Variants in NRDE2 observed in about 807,000 individuals in gnomAD.
NRDE2 encodes NRDE-2, necessary for RNA interference, domain containing.
A neutral mutation model predicts 124.2 loss-of-function variants in NRDE2; 76 were observed. That is an observed-to-expected ratio of 0.61 (90% CI 0.51 to 0.74). The LOEUF (loss-of-function observed/expected upper bound fraction) is 0.74. Among genes scored for constraint, NRDE2 ranks in the 30% least tolerant of loss-of-function variants. NRDE2 has a pLI of 0.00. For synonymous variants in NRDE2, 489 were observed against 528.1 expected (o/e 0.93, Z 1.01); for missense variants, 1,314 against 1,417.3 (o/e 0.93, Z 1.17).
At chr14:90,308,981 G>A (rs1454802458) in intron 4 of NRDE2, among the ~76,000 whole-genome samples, 1 of 152,092 alleles carries the variant, frequency 6.6e-6, no homozygotes, top group African/African-American at 2.4e-5. Flanking sequence ...GGTGGCTCAT[G>A]CCTGTAATCC....
At chr14:90,286,255 C>T in intron 12 of NRDE2, 99 bp downstream of exon 12, 2 of 1,381,858 alleles carry the variant, frequency 1.4e-6, no homozygotes, top group Non-Finnish European at 9.8e-7. Context: ...TCCCAGCTCT[C>T]CTGGGCAGGG....
chr14:90,276,452 C>A lies in NRDE2; in HGVS notation c.*1884G>T, dbSNP rs1457073529. The A allele has an allele frequency of 6.6e-6, 1 of 152,110 alleles. No homozygotes were observed. The highest frequency in any genetic ancestry group is 1.5e-5 in the Non-Finnish European group (1 of 68,042). 9.4% of individuals were successfully genotyped at this position (152,110 alleles called of 1,614,324 possible). On this transcript the variant is annotated 3_prime_UTR_variant, in exon 14 of 14. Coordinates refer to ENST00000354366, the MANE Select transcript of NRDE2 (RefSeq NM_017970.4). ...GCCAGGATGGTCTCGATCTCCTGACCTCGTGATCCGTCCGCCTCGGCCTCC... is the reference window on the plus strand; with the variant it reads ...GCCAGGATGGTCTCGATCTCCTGACATCGTGATCCGTCCGCCTCGGCCTCC...
intron 1 of NRDE2, among the ~76,000 whole-genome samples, chr14:90,324,598 C>T (rs578251918): frequency 5.9e-5 from 9 of 151,414 alleles, no homozygotes; most frequent in African/African-American, 2.2e-4. Context: ...ATCGTTTGAG[C>T]CCTGGAGGCA....
Position 90,288,628 on chromosome 14 carries a change from A to G in NRDE2, c.2747T>C (p.Leu916Ser). 1 of 1,614,150 alleles carries G rather than the reference A, an allele frequency of 6.2e-7. No individual in the cohort carries two copies. Among genetic ancestry groups the G allele is most frequent in the Non-Finnish European group, 8.5e-7 (1 of 1,180,036 alleles). The change falls in exon 11 of 14, where the codon TTG (leucine) becomes TCG (serine). Residue 916 changes from leucine (L) to serine (S), a missense_variant. Transcript: ENST00000354366. The part of the protein sequence containing the change: ...LAKCFMLFQY[L>S]TIGIDAAVQI... ...CACAGCAGCATCAATCCCTATGGTC[A>G]AATACTGGAAGAGCATGAAGCATTT...
Position 90,312,474 on chromosome 14 carries a change from C to T in NRDE2, c.477G>A (p.Thr159=), listed in dbSNP as rs747208547. The T allele has an allele frequency of 5.6e-6, 9 of 1,614,104 alleles. No individual in the cohort carries two copies. Among genetic ancestry groups the T allele is most frequent in the Middle Eastern group, 1.7e-4 (1 of 6,048 alleles). The change falls in exon 4 of 14, where the codon ACG becomes ACA. Residue 159 remains threonine (T), a synonymous_variant. Transcript: ENST00000354366. ...TCTTATCTGTTCTGAAGGTTTCTCC[C>T]GTCACAGCCTGAATGTCCTCAAGCC... ...FVWLEDIQAV[T]GETFRTDKKP...
At chr14:90,278,624 G>T in intron 13 of NRDE2, 163 bp from the exon 14 acceptor site, 1 of 789,006 alleles carries the variant, frequency 1.3e-6, no homozygotes, top group Non-Finnish European at 2.0e-6. Flanking sequence ...GCAGCACTGG[G>T]CATGTTCAGG....
intron 3 of NRDE2, among the ~76,000 whole-genome samples, chr14:90,315,176 CAAAAAAAAAAAAAAAA>C (rs71117336): frequency 3.1e-5 from 1 of 31,770 alleles, no homozygotes; most frequent in Non-Finnish European, 4.9e-5. Flanking sequence ...TACTCTGTCT[CAAAAAAAAAAAAAAAA>C]AAAAAAAAAA....
At position 90,312,409 on chromosome 14, in the gene NRDE2, C is replaced by T. The variant is rs532677267; in HGVS notation, c.542G>A (p.Arg181Gln). The change falls in exon 4 of 14, where the codon CGA becomes CAA. Residue 181 changes from arginine to glutamine, a missense_variant. Transcript: ENST00000354366. ...AGGTGACTACCTTGCTATATCCCCT[C>T]GGTAGAGAGACTTGTACTCCCAGTT... ...PANWEYKSLYRGDIARYKRKG... is the reference protein window; with the variant it reads ...PANWEYKSLYQGDIARYKRKG... 25 of 1,613,714 alleles carry T rather than the reference C, an allele frequency of 1.5e-5. No homozygotes were observed. The highest frequency in any genetic ancestry group is 4.4e-5 in the South Asian group (4 of 91,072).
In NRDE2 at chr14:90,306,194, C is replaced by T. The variant is rs144742578; in HGVS notation, c.558-1812G>A. ...CGGAAATGCCGTGGGGAGAAAAAGG[C>T]AGGGGAGAACTGCCTTCATCTTCTG... On this transcript the variant is annotated intron_variant, in intron 4 of 13. Coordinates refer to ENST00000354366, the MANE Select transcript of NRDE2 (RefSeq NM_017970.4). Among the ~76,000 whole-genome samples, 21 of 152,262 alleles carry T rather than the reference C, an allele frequency of 1.4e-4. 1 individual carries two copies. In the East Asian group the frequency reaches 4.1e-3, roughly 29 times the overall value.
rs1161212214 is a variant in NRDE2 at position 90,288,964 on chromosome 14, T to C, written c.2411A>G (p.Asp804Gly). The change falls in exon 11 of 14, where the codon GAC becomes GGC. Residue 804 changes from aspartate to glycine, a missense_variant. By Grantham distance (94) the Asp-to-Gly change is moderately conservative. Coordinates refer to ENST00000354366, the MANE Select transcript of NRDE2 (RefSeq NM_017970.4). Reference protein sequence around the residue: ...GNTEDARKVFDTALGMAGSRE... With the variant: ...GNTEDARKVFGTALGMAGSRE... ...GCTTCCTGCCATGCCAAGTGCTGTG[T>C]CAAAAACTTTTCTGGCATCCTCCGT... 2.5e-6 allele frequency: 4 copies of C among 1,612,314 alleles called. No homozygotes were observed. Among genetic ancestry groups the C allele is most frequent in the Non-Finnish European group, 3.4e-6 (4 of 1,178,540 alleles).
At chr14:90,288,173 C>T (rs1258542888) in intron 11 of NRDE2, 44 bp downstream of exon 11, 11 of 1,555,948 alleles carry the variant, frequency 7.1e-6, no homozygotes, top group Non-Finnish European at 9.6e-6. Flanking sequence ...GCAAGCATTC[C>T]ATAAACATTT....
chr14:90,321,781 G>A (rs1302401809), intron 1 of NRDE2, among the ~76,000 whole-genome samples: 1 of 152,182 alleles, frequency 6.6e-6, no homozygotes, highest in Non-Finnish European at 1.5e-5. Flanking sequence ...GGCTTGGAAA[G>A]ATTTTGGAAG....
At chr14:90,303,188 A>C in intron 5 of NRDE2, 63 bp from the exon 6 acceptor site, 1 of 1,465,032 alleles carries the variant, frequency 6.8e-7, no homozygotes, top group Non-Finnish European at 9.2e-7. Context: ...AGTTTCAACA[A>C]TGCTTACTGA....
intron 1 of NRDE2, among the ~76,000 whole-genome samples, 178 bp from the exon 2 acceptor site, chr14:90,318,291 A>C (rs1885120507): frequency 6.6e-6 from 1 of 152,240 alleles, no homozygotes; most frequent in Non-Finnish European, 1.5e-5. Flanking sequence ...TTTATTTCAC[A>C]GGGCATGGCT....
intron 9 of NRDE2, among the ~76,000 whole-genome samples, chr14:90,291,516 A>G (rs1892270872): frequency 6.6e-6 from 1 of 152,232 alleles, no homozygotes; most frequent in Non-Finnish European, 1.5e-5. Flanking sequence ...GCCTTGAGAA[A>G]TGACTTCCAG....
At position 90,269,887 on chromosome 14, in the gene NRDE2, A is replaced by G; in HGVS notation, c.*8449T>C. ...ACATTCAGGTAGCATCAGAAGAAAC[A>G]GTGATTTGTTTGCTGTCTTTTGTAA... On this transcript the variant is annotated 3_prime_UTR_variant, in exon 14 of 14. Transcript: ENST00000354366. 1 of 376,300 alleles carries G rather than the reference A, an allele frequency of 2.7e-6. No homozygotes were observed. Among genetic ancestry groups the G allele is most frequent in the Non-Finnish European group, 4.7e-6 (1 of 211,380 alleles). The allele number at this position is 376,300 out of a possible 1,614,324, so 23.3% of individuals were successfully genotyped here. A position where few individuals can be genotyped will look rare whatever the true frequency, so the allele number is the denominator to read the frequency against.
At chr14:90,308,471 A>G (rs1463551433) in intron 4 of NRDE2, among the ~76,000 whole-genome samples, 6 of 152,092 alleles carry the variant, frequency 3.9e-5, no homozygotes, top group Non-Finnish European at 8.8e-5. Flanking sequence ...AACATTGCCA[A>G]TCCAGCCTCC....
chr14:90,302,062 G>A (rs1007267999), intron 6 of NRDE2, among the ~76,000 whole-genome samples: 8 of 152,130 alleles, frequency 5.3e-5, no homozygotes, highest in Non-Finnish European at 1.0e-4. Context: ...AGCTAGACTC[G>A]CCATGGATTA....
intron 10 of NRDE2, 99 bp downstream of exon 10, chr14:90,290,122 A>G: frequency 1.5e-6 from 2 of 1,301,984 alleles, no homozygotes; most frequent in South Asian, 2.9e-5. Context: ...GTGCTGGGGC[A>G]TAGTTCCAGG....
Sources: allele counts gnomAD v4.1 joint callset (sites outside exome capture counted in the v4.1 genomes callset), GRCh38; gene constraint gnomAD v4.1.1; transcripts MANE v1.5; gene names NCBI Gene and HGNC (gene_info 2026-07-23, HGNC 2026-07-21).